The following ABCC1 variants were observed in gnomAD, a reference collection of about 807,000 sequenced individuals.
ABCC1 encodes the protein multidrug resistance-associated protein 1.
ABCC1 carries 83 observed loss-of-function variants against 172.9 expected under a neutral mutation model. That is an observed-to-expected ratio of 0.48 (90% confidence interval 0.40 to 0.58). The LOEUF (loss-of-function observed/expected upper bound fraction) is 0.58, where lower values mean the gene tolerates loss of function less well. Ranked by LOEUF, ABCC1 falls within the 20% of genes least tolerant of loss-of-function variation. ABCC1 has a pLI of 0.00. For missense variants in ABCC1, 1,817 were observed against 2,002.7 expected (o/e 0.91, Z 1.77); for synonymous variants, 937 against 825.2 (o/e 1.14, Z -2.32).
chr16:16,049,855 C>CT (rs112143242), intron 10 of ABCC1, among the ~76,000 whole-genome samples: 90 of 147,100 alleles, frequency 6.1e-4, no homozygotes, highest in Middle Eastern at 6.8e-3. Flanking sequence ...ATTAAATTTT[C>CT]TTTTTTTTTT....
intron 12 of ABCC1, among the ~76,000 whole-genome samples, chr16:16,064,562 C>T (rs533537792): frequency 6.6e-5 from 10 of 152,322 alleles, no homozygotes; most frequent in Admixed American, 1.3e-4. Flanking sequence ...TGCCAGCAGC[C>T]GGCATCGATT....
At chr16:15,964,871 A>G (rs1386865790) in intron 1 of ABCC1, among the ~76,000 whole-genome samples, 1 of 151,954 alleles carries the variant, frequency 6.6e-6, no homozygotes, top group Non-Finnish European at 1.5e-5. Context: ...CCTGCAACAT[A>G]TTTTCCAGCA....
At chr16:16,101,557 G>A (rs1324771702) in intron 19 of ABCC1, among the ~76,000 whole-genome samples, 2 of 152,154 alleles carry the variant, frequency 1.3e-5, no homozygotes, top group Non-Finnish European at 1.5e-5. Context: ...CCCTGACCAT[G>A]CTGCTGGCTG....
At chr16:16,053,108 G>A (rs2049501315) in intron 11 of ABCC1, among the ~76,000 whole-genome samples, 1 of 152,154 alleles carries the variant, frequency 6.6e-6, no homozygotes, top group African/African-American at 2.4e-5. Flanking sequence ...TTGTAGGCCG[G>A]TGACTGGAAT....
chr16:16,059,688 A>T (rs1273871324), intron 12 of ABCC1, among the ~76,000 whole-genome samples: 1 of 151,944 alleles, frequency 6.6e-6, no homozygotes, highest in African/African-American at 2.4e-5. Context: ...ACCTGTGGTC[A>T]TAGCTACTCG....
chr16:15,960,631 A>G (rs2046105613), intron 1 of ABCC1, among the ~76,000 whole-genome samples: 1 of 152,096 alleles, frequency 6.6e-6, no homozygotes, highest in Admixed American at 6.6e-5. Context: ...GCAAACTACT[A>G]CGGAGGGATG....
chr16:16,000,397 G>A (rs746179978), intron 1 of ABCC1, among the ~76,000 whole-genome samples: 6 of 151,870 alleles, frequency 4.0e-5, no homozygotes, highest in Non-Finnish European at 8.8e-5. Flanking sequence ...CACCCGTGTC[G>A]GCCTCCCAAA....
intron 1 of ABCC1, among the ~76,000 whole-genome samples, chr16:16,004,657 CTTTTTTT>C (rs66530759): frequency 1.8e-5 from 2 of 112,162 alleles, no homozygotes; most frequent in Non-Finnish European, 1.8e-5. Flanking sequence ...GTAAGGTTTA[CTTTTTTT>C]TTTTTTTTTT....
intron 19 of ABCC1, among the ~76,000 whole-genome samples, chr16:16,090,935 T>A (rs1420918057): frequency 6.6e-6 from 1 of 152,052 alleles, no homozygotes; most frequent in Non-Finnish European, 1.5e-5. Flanking sequence ...ATTAAAGTCC[T>A]GGCTCTCGGG....
chr16:16,015,624 A>G (rs1190625930), intron 4 of ABCC1, among the ~76,000 whole-genome samples: 1 of 152,334 alleles, frequency 6.6e-6, no homozygotes, highest in East Asian at 1.9e-4. Flanking sequence ...GGGACTGTGT[A>G]TGTGTCACGA....
At chr16:16,098,575 C>T (rs904229191) in intron 19 of ABCC1, among the ~76,000 whole-genome samples, 15 of 152,318 alleles carry the variant, frequency 9.8e-5, no homozygotes, top group African/African-American at 2.9e-4. Context: ...GCTAAGATCA[C>T]GCCACTTCCC....
At chr16:15,995,366 T>C (rs1324958783) in intron 1 of ABCC1, among the ~76,000 whole-genome samples, 3 of 152,218 alleles carry the variant, frequency 2.0e-5, no homozygotes, top group Admixed American at 6.5e-5. Context: ...GGTTTCTTCA[T>C]TGCTTTTCGC....
intron 24 of ABCC1, among the ~76,000 whole-genome samples, chr16:16,124,332 T>TGC (rs2045313693): frequency 1.0e-5 from 1 of 96,368 alleles, no homozygotes; most frequent in African/African-American, 3.8e-5. Flanking sequence ...TGTGTGTGTG[T>TGC]GTGTGTGTGT....
In ABCC1 at chr16:15,949,633, C is replaced by CGCCGCCGCCGCCAGCGCT. The variant is rs1555470995; in HGVS notation, c.-119_-118insGCCGCCGCCGCCAGCGCT. 2.9e-6 allele frequency: 2 copies of CGCCGCCGCCGCCAGCGCT among 684,360 alleles called. No homozygotes were observed. The highest frequency in any genetic ancestry group is 1.9e-5 in the African/African-American group (1 of 51,378). The allele number at this position is 684,360 out of a possible 1,614,324, so 42.4% of individuals were successfully genotyped here. A position where few individuals can be genotyped will look rare whatever the true frequency, so the allele number is the denominator to read the frequency against. On this transcript the variant is annotated 5_prime_UTR_variant, in exon 1 of 31. Coordinates refer to ENST00000399410, the MANE Select transcript of ABCC1 (RefSeq NM_004996.4). ...CCTGCGCCGCCGCCGCCGCCGCCGCCAGCGCTAGCGCCAGCAGCCGGGCCC... is the reference window on the plus strand; with the variant it reads ...CCTGCGCCGCCGCCGCCGCCGCCGCCGCCGCCGCCGCCAGCGCTAGCGCTAGCGCCAGCAGCCGGGCCC...
rs1235887229 is a variant in ABCC1, at chr16:15,978,828, T to TG, written c.49-28983dup. Among the ~76,000 whole-genome samples the TG allele has an allele frequency of 2.0e-5, 3 of 152,160 alleles. No individual in the cohort carries two copies. In the South Asian group the frequency reaches 6.2e-4, roughly 32 times the overall value. On this transcript the variant is annotated intron_variant, in intron 1 of 30. Transcript: ENST00000399410. ...ACATTTTTGTTGTCACAGTTTGGGA[T>TG]GGGGGTGCAGTTGGTGTCTGTTGGG...
At chr16:16,073,926 C>A (rs2050453041) in intron 14 of ABCC1, among the ~76,000 whole-genome samples, 1 of 152,208 alleles carries the variant, frequency 6.6e-6, no homozygotes, top group Non-Finnish European at 1.5e-5. Context: ...GTGTCTGGCA[C>A]CTCGCAGGCG....
chr16:15,986,131 C>T (rs2046738698), intron 1 of ABCC1, among the ~76,000 whole-genome samples: 1 of 151,826 alleles, frequency 6.6e-6, no homozygotes, highest in African/African-American at 2.4e-5. Context: ...GACGGGGTTT[C>T]ACCATGTTGG....
In ABCC1 at chr16:16,137,639, C is replaced by T. The variant is rs541186196; in HGVS notation, c.4293-725C>T. On this transcript the variant is annotated intron_variant, in intron 29 of 30. Transcript: ENST00000399410. ...GTGGCGCAATCTCATCTGCAACCTC[C>T]GCCCCCAGGCTCAAGCAATTGTTCT... Among the ~76,000 whole-genome samples the T allele has an allele frequency of 2.3e-3, 329 of 145,584 alleles. 3 individuals are homozygous for T. Among genetic ancestry groups the T allele is most frequent in the Admixed American group, 4.6e-3 (66 of 14,482 alleles).
rs1057184534 is a variant in ABCC1 at position 15,969,873 on chromosome 16, C to T, written c.48+20074C>T. 1.1e-4 allele frequency among the ~76,000 whole-genome samples: 16 copies of T among 152,046 alleles called. 2 individuals carry two copies. Among genetic ancestry groups the T allele is most frequent in the Non-Finnish European group, 4.4e-5 (3 of 68,016 alleles). ...ACAGTCTCTGAGGGTCCTGCATAGC[C>T]CTTACCTGGGCTCCATGCTGGGAAT... On this transcript the variant is annotated intron_variant, in intron 1 of 30. Transcript: ENST00000399410.
Sources: allele counts gnomAD v4.1 joint callset (sites outside exome capture counted in the v4.1 genomes callset), GRCh38; gene constraint gnomAD v4.1.1; transcripts MANE v1.5; gene names NCBI Gene and HGNC (gene_info 2026-07-23, HGNC 2026-07-21).